VWA5B1: variants seen among roughly 807,000 people sequenced by gnomAD.
The protein encoded by VWA5B1 is von Willebrand factor A domain-containing protein 5B1.
A neutral mutation model predicts 118.2 loss-of-function variants in VWA5B1; 115 were observed. The ratio of observed to expected loss-of-function variants is 0.97; its 90% CI spans 0.84 to 1.14. VWA5B1 has a LOEUF of 1.14. VWA5B1 is among the 50% of genes most tolerant of loss of function. The pLI is 0.00. For synonymous variants in VWA5B1, 682 were observed against 658.4 expected, an observed-to-expected ratio of 1.04 and a Z score of -0.55; for missense variants, 1,596 against 1,603.8, an observed-to-expected ratio of 1.00 and a Z score of 0.08.
In VWA5B1 at chr1:20,343,038, C is replaced by G. The variant is rs1388934930; in HGVS notation, c.2312-41C>G. The G allele has an allele frequency of 2.0e-6, 3 of 1,474,466 alleles. No individual in the cohort carries two copies. In the Admixed American group the frequency reaches 7.3e-5, roughly 36 times the overall value. 91.3% of individuals were successfully genotyped at this position (1,474,466 alleles called of 1,614,324 possible). ...GTCCCCTGGGAGTTGGCCGTCTGTCCCCCAGGTCAGCGCTTGGCCCACTTG... is the reference window on the plus strand; with the variant it reads ...GTCCCCTGGGAGTTGGCCGTCTGTCGCCCAGGTCAGCGCTTGGCCCACTTG... On this transcript the variant is annotated intron_variant, in intron 15 of 21. Transcript: ENST00000289815.
At chr1:20,351,517 T>C (rs1053937806) in intron 20 of VWA5B1, among the ~76,000 whole-genome samples, 2 of 151,996 alleles carry the variant, frequency 1.3e-5, no homozygotes, top group African/African-American at 4.8e-5. Context: ...CCAGGCATGG[T>C]CGCATGTGCC....
chr1:20,330,912 G>T lies in VWA5B1; in HGVS notation c.1501G>T (p.Val501Leu). The T allele has an allele frequency of 6.4e-7, 1 of 1,551,748 alleles. No homozygotes were observed. The highest frequency in any genetic ancestry group is 8.7e-7 in the Non-Finnish European group (1 of 1,147,004). ...GIGPNVCHRL[V>L]KGLASVSEGS... is the part of the protein sequence containing the mutation. ...TGGACCCAACGTCTGCCACAGACTG[G>T]TGAAAGGACTGGCATCTGTGTCCGA... Residue 501 changes from valine (V) to leucine (L), a missense_variant, in exon 11 of 22, where the codon GTG (valine) becomes TTG (leucine). Transcript: ENST00000289815.
intron 5 of VWA5B1, 91 bp downstream of exon 5, chr1:20,317,766 A>G: frequency 1.4e-6 from 2 of 1,422,348 alleles, no homozygotes; most frequent in Non-Finnish European, 1.9e-6. Flanking sequence ...AGGAAAGCCA[A>G]CTGGCCCAGA....
intron 4 of VWA5B1, among the ~76,000 whole-genome samples, chr1:20,315,257 A>G (rs1309422909): frequency 6.6e-6 from 1 of 152,152 alleles, no homozygotes; most frequent in Non-Finnish European, 1.5e-5. Context: ...AGGGCCCCAG[A>G]GAAGAACAGA....
chr1:20,294,687 C>G (rs2088371746), intron 1 of VWA5B1, among the ~76,000 whole-genome samples: 1 of 151,870 alleles, frequency 6.6e-6, no homozygotes, highest in African/African-American at 2.4e-5. Flanking sequence ...CCATGTTGGT[C>G]TGGCTGGTCT....
intron 1 of VWA5B1, among the ~76,000 whole-genome samples, chr1:20,298,450 T>G (rs1354306818): frequency 2.0e-5 from 3 of 152,076 alleles, no homozygotes; most frequent in Non-Finnish European, 4.4e-5. Context: ...TACAAGCCTA[T>G]CAGGAAGTCT....
chr1:20,306,538 T>C (rs1437116461), intron 1 of VWA5B1, among the ~76,000 whole-genome samples: 5 of 152,206 alleles, frequency 3.3e-5, no homozygotes, highest in Admixed American at 3.3e-4. Context: ...CTTCCATTAG[T>C]ATCTCTACTC....
At chr1:20,295,150 G>A (rs1344284571) in intron 1 of VWA5B1, among the ~76,000 whole-genome samples, 2 of 152,192 alleles carry the variant, frequency 1.3e-5, no homozygotes, top group East Asian at 1.9e-4. Flanking sequence ...AGCAGGATGA[G>A]TAGGTTTCAA....
chr1:20,300,193 G>C (rs148080647), intron 1 of VWA5B1, among the ~76,000 whole-genome samples: 2 of 152,316 alleles, frequency 1.3e-5, no homozygotes, highest in East Asian at 3.9e-4. Flanking sequence ...TGGGGATTCA[G>C]TGTGAAAATC....
In VWA5B1 at chr1:20,314,483, C is replaced by T. The variant is rs2088943000; in HGVS notation, c.454C>T (p.Pro152Ser). The change falls in exon 4 of 22, where the codon CCA becomes TCA. Residue 152 changes from proline to serine, a missense_variant. By Grantham distance (74) the Pro-to-Ser change is moderately conservative. Coordinates refer to ENST00000289815, the MANE Select transcript of VWA5B1 (RefSeq NM_001039500.3). ...CTTCATCAGCACCTCCTCGGAGCTC[C>T]CAACGCTGCCCAGCGGGGCTGTGAG... ...TIFISTSSEL[P>S]TLPSGAVRVL... is the part of the protein sequence containing the mutation. 1.3e-6 allele frequency: 2 copies of T among 1,551,776 alleles called. No homozygotes were observed. Among genetic ancestry groups the T allele is most frequent in the African/African-American group, 1.4e-5 (1 of 73,168 alleles).
intron 1 of VWA5B1, among the ~76,000 whole-genome samples, chr1:20,304,979 C>T (rs1337726412): frequency 6.6e-6 from 1 of 151,932 alleles, no homozygotes; most frequent in Non-Finnish European, 1.5e-5. Context: ...TCAGCAAATA[C>T]TTATTGAGCA....
intron 1 of VWA5B1, among the ~76,000 whole-genome samples, chr1:20,297,423 C>T (rs761481552): frequency 3.9e-5 from 6 of 152,212 alleles, no homozygotes; most frequent in East Asian, 1.9e-4. Context: ...TGACACACGT[C>T]GCTTCCACAC....
At chr1:20,299,234 C>T (rs1489137483) in intron 1 of VWA5B1, among the ~76,000 whole-genome samples, 1 of 152,142 alleles carries the variant, frequency 6.6e-6, no homozygotes, top group Non-Finnish European at 1.5e-5. Flanking sequence ...GCCTCTCCAA[C>T]TGTCTCTCCC....
At chr1:20,322,429 G>T (rs1220470784) in intron 7 of VWA5B1, among the ~76,000 whole-genome samples, 2 of 152,184 alleles carry the variant, frequency 1.3e-5, no homozygotes, top group East Asian at 1.9e-4. Context: ...CAAGGGGAAG[G>T]GTCCTGGCCT....
At chr1:20,312,811 G>A (rs537289520) in intron 2 of VWA5B1, 25 bp from the exon 3 acceptor site, 56 of 1,534,934 alleles carry the variant, frequency 3.6e-5, no homozygotes, top group African/African-American at 2.7e-4. Context: ...GGGGCACCCC[G>A]TGATGCTGGG....
At chr1:20,295,775 G>C (rs1018469688) in intron 1 of VWA5B1, among the ~76,000 whole-genome samples, 2 of 152,142 alleles carry the variant, frequency 1.3e-5, no homozygotes, top group African/African-American at 4.8e-5. Flanking sequence ...GGGTCTACCT[G>C]GTTCGCCGTA....
intron 3 of VWA5B1, among the ~76,000 whole-genome samples, chr1:20,313,831 A>C (rs2088919867): frequency 6.6e-6 from 1 of 152,172 alleles, no homozygotes; most frequent in South Asian, 2.1e-4. Flanking sequence ...GGGGGTGGAA[A>C]GTGGCTGTGT....
At position 20,318,850 on chromosome 1, in the gene VWA5B1, T is replaced by G. The variant is rs12097029; in HGVS notation, c.841+129T>G. On this transcript the variant is annotated intron_variant, in intron 6 of 21. Transcript: ENST00000289815. ...AGGGAAAGAGTCGGGGTGGGGGGTG[T>G]GGCCAAGGAGAGGAGACCCACTACT... The G allele has an allele frequency of 4.9e-3, 6,614 of 1,362,816 alleles. 82 individuals are homozygous for G. Among genetic ancestry groups the G allele is most frequent in the African/African-American group, 0.036 (2,413 of 67,740 alleles). 84.4% of individuals were successfully genotyped at this position (1,362,816 alleles called of 1,614,324 possible). A position where few individuals can be genotyped will look rare whatever the true frequency, so the allele number is the denominator to read the frequency against.
At chr1:20,315,071 T>C (rs2088963940) in intron 4 of VWA5B1, among the ~76,000 whole-genome samples, 1 of 152,220 alleles carries the variant, frequency 6.6e-6, no homozygotes, top group Non-Finnish European at 1.5e-5. Flanking sequence ...AAGGAGAAGT[T>C]CATTGGGCTA....
Sources: allele counts gnomAD v4.1 joint callset (sites outside exome capture counted in the v4.1 genomes callset), GRCh38; gene constraint gnomAD v4.1.1; transcripts MANE v1.5; gene names NCBI Gene and HGNC (gene_info 2026-07-23, HGNC 2026-07-21).